Variants in RPS20 observed in about 807,000 individuals in gnomAD.
RPS20 encodes small ribosomal subunit protein uS10.
A neutral mutation model predicts 15.3 loss-of-function variants in RPS20; 3 were observed. That is an observed-to-expected ratio of 0.20 (90% CI 0.09 to 0.51). RPS20 has a LOEUF of 0.51. Among genes scored for constraint, RPS20 ranks in the 20% least tolerant of loss-of-function variants. RPS20 has a pLI of 0.96. For synonymous variants in RPS20, 62 were observed against 47.8 expected (o/e 1.30, Z -1.23); for missense variants, 67 against 145.9 (o/e 0.46, Z 2.79).
chr8:56,073,930 C>A (rs1338838966), intron 2 of RPS20, 130 bp downstream of exon 2: 1 of 1,107,344 alleles, frequency 9.0e-7, no homozygotes, highest in South Asian at 1.2e-5. Flanking sequence ...CAATTTTAAG[C>A]CACGCTTTAC....
At chr8:56,068,803 A>G (rs1027883852), downstream of RPS20, among the ~76,000 whole-genome samples, 2 of 92,608 alleles carry the variant, frequency 2.2e-5, no homozygotes, top group African/African-American at 8.2e-5. Context: ...CTTGGTGAAA[A>G]TATCTTTTTT....
downstream of RPS20, among the ~76,000 whole-genome samples, chr8:56,068,682 T>C (rs1809673421): frequency 6.6e-6 from 1 of 151,792 alleles, no homozygotes; most frequent in African/African-American, 2.4e-5. Context: ...ATTTTTTTTG[T>C]ATACCAGATA....
At chr8:56,070,960 A>G (rs1471896876), downstream of RPS20, among the ~76,000 whole-genome samples, 1 of 152,202 alleles carries the variant, frequency 6.6e-6, no homozygotes, top group African/African-American at 2.4e-5. Flanking sequence ...ACCACTATTT[A>G]ATCTATCCTG....
intron 3 of RPS20, 88 bp from the exon 4 acceptor site, chr8:56,073,360 A>G (rs1437558552): frequency 1.1e-6 from 1 of 879,582 alleles, no homozygotes; most frequent in Non-Finnish European, 1.8e-6. Context: ...TAATCATTTC[A>G]TTAGTTTCCC....
At chr8:56,072,883 C>T, downstream of RPS20, 1 of 1,298,520 alleles carries the variant, frequency 7.7e-7, no homozygotes, top group Non-Finnish European at 9.8e-7. Context: ...CCAGTCAGGT[C>T]TCACATATTA....
chr8:56,069,964 G>A (rs1264263202), downstream of RPS20: 1 of 658,144 alleles, frequency 1.5e-6, no homozygotes, highest in Non-Finnish European at 2.8e-6. Flanking sequence ...GGTATTACAA[G>A]TAATCTAGAG....
At chr8:56,069,539 T>C (rs1215182089), downstream of RPS20, among the ~76,000 whole-genome samples, 1 of 152,196 alleles carries the variant, frequency 6.6e-6, no homozygotes, top group Non-Finnish European at 1.5e-5. Flanking sequence ...CCTCAGGTGA[T>C]CCGCCCACCT....
At chr8:56,071,890 T>C (rs774889799), downstream of RPS20, among the ~76,000 whole-genome samples, 1 of 152,240 alleles carries the variant, frequency 6.6e-6, no homozygotes, top group Non-Finnish European at 1.5e-5. Context: ...TTTTCCACAA[T>C]AAATCTATAG....
downstream of RPS20, chr8:56,072,871 AACC>A (rs923629174): frequency 2.5e-4 from 318 of 1,264,144 alleles, 3 homozygotes; most frequent in African/African-American, 4.3e-3. Context: ...TGTCCAATAA[AACC>A]AGTCAGGTCT....
At position 56,067,501 on chromosome 8, in the gene RPS20, T is replaced by C. The variant is rs117749231; in HGVS notation, c.*1065A>G. 4.3e-3 allele frequency: 661 copies of C among 152,098 alleles called. 5 individuals are homozygous for C. The highest frequency in any genetic ancestry group is 0.014 in the Middle Eastern group (4 of 294). 9.4% of individuals were successfully genotyped at this position (152,098 alleles called of 1,614,324 possible). A position where few individuals can be genotyped will look rare whatever the true frequency, so the allele number is the denominator to read the frequency against. On this transcript the variant is annotated 3_prime_UTR_variant, in exon 6 of 6. Coordinates refer to the RPS20 transcript ENST00000519807. ...GAGATGGAGACCATCCTCATTAACA[T>C]GGTGAAACTCTGTCTCTACTAAAAA...
chr8:56,072,068 C>T (rs1482092655), downstream of RPS20, among the ~76,000 whole-genome samples: 1 of 152,096 alleles, frequency 6.6e-6, no homozygotes, highest in Non-Finnish European at 1.5e-5. Context: ...CATGGCAAAA[C>T]CTCACCTCTA....
At chr8:56,071,937 T>C (rs1809771883), downstream of RPS20, among the ~76,000 whole-genome samples, 1 of 152,114 alleles carries the variant, frequency 6.6e-6, no homozygotes, top group East Asian at 1.9e-4. Context: ...CCTGTAAGGG[T>C]ATCTATCTGA....
chr8:56,073,024 G>A, downstream of RPS20: 1 of 1,560,190 alleles, frequency 6.4e-7, no homozygotes, highest in Non-Finnish European at 8.6e-7. Flanking sequence ...CCTAAAATCT[G>A]CCAGTATTCT....
chr8:56,068,884 T>C (rs1375955032), downstream of RPS20, among the ~76,000 whole-genome samples: 2 of 121,154 alleles, frequency 1.7e-5, no homozygotes, highest in Non-Finnish European at 3.2e-5. Flanking sequence ...TGGAAACCCT[T>C]GCCTCCCGGG....
intron 1 of RPS20, 67 bp downstream of exon 1, chr8:56,074,308 ACGAACT>A: frequency 6.5e-7 from 1 of 1,546,530 alleles, no homozygotes; most frequent in Non-Finnish European, 8.7e-7. Flanking sequence ...CCTCAGGAGC[ACGAACT>A]CGAAACCGGG....
At chr8:56,072,983 A>G, downstream of RPS20, 1 of 1,472,594 alleles carries the variant, frequency 6.8e-7, no homozygotes, top group Non-Finnish European at 8.9e-7. Context: ...TCCACCTGAA[A>G]AGTGGAAGTC....
downstream of RPS20, chr8:56,073,039 A>T: frequency 6.3e-7 from 1 of 1,575,458 alleles, no homozygotes; most frequent in Middle Eastern, 2.3e-4. Flanking sequence ...TATTCTGAAT[A>T]AAAACCAACA....
chr8:56,071,841 T>C (rs1387005762), downstream of RPS20, among the ~76,000 whole-genome samples: 1 of 152,214 alleles, frequency 6.6e-6, no homozygotes, highest in African/African-American at 2.4e-5. Flanking sequence ...ATTTCAAAAA[T>C]TTTCTGAAGG....
chr8:56,069,762 T>C (rs1439874923), downstream of RPS20: 1 of 1,551,594 alleles, frequency 6.4e-7, no homozygotes, highest in Non-Finnish European at 8.7e-7. Flanking sequence ...TCCCCGGGGA[T>C]TCGAATACAC....
Sources: allele counts gnomAD v4.1 joint callset (sites outside exome capture counted in the v4.1 genomes callset), GRCh38; gene constraint gnomAD v4.1.1; transcripts MANE v1.5; gene names NCBI Gene and HGNC (gene_info 2026-07-23, HGNC 2026-07-21).